Variants in RARB observed in about 807,000 individuals in gnomAD.
The protein encoded by RARB is HBV-activated protein.
RARB carries 17 observed loss-of-function variants against 51.9 expected under a neutral mutation model. The ratio of observed to expected loss-of-function variants is 0.33; its 90% CI spans 0.22 to 0.49. RARB has a LOEUF of 0.49. Ranked by LOEUF, RARB falls within the 20% of genes least tolerant of loss-of-function variation. The pLI is 0.99. For synonymous variants in RARB, 215 were observed against 195.4 expected (o/e 1.10, Z -0.84); for missense variants, 369 against 550.8 (o/e 0.67, Z 3.30).
chr3:25,531,986 G>T (rs1698948278), intron 3 of RARB, among the ~76,000 whole-genome samples: 1 of 151,534 alleles, frequency 6.6e-6, no homozygotes, highest in South Asian at 2.1e-4. Context: ...AGTCTGATAG[G>T]TGGGGGTGGG....
chr3:25,596,360 G>A (rs1701830020), intron 7 of RARB, 60 bp from the exon 8 acceptor site: 2 of 1,336,742 alleles, frequency 1.5e-6, no homozygotes, highest in East Asian at 2.3e-5. Flanking sequence ...TTGGTCCCTG[G>A]TTATCTGTCA....
chr3:25,286,216 G>A (rs977734899), intron 5 of RARB, among the ~76,000 whole-genome samples: 4 of 147,466 alleles, frequency 2.7e-5, no homozygotes, highest in Non-Finnish European at 6.0e-5. Context: ...GGCCTCCCAA[G>A]TAGCTGGGAC....
intron 5 of RARB, among the ~76,000 whole-genome samples, chr3:25,205,516 T>A (rs372493467): frequency 1.3e-5 from 2 of 152,230 alleles, no homozygotes; most frequent in South Asian, 2.1e-4. Context: ...TCTGCGTTGC[T>A]CACTCTGGGA....
intron 5 of RARB, among the ~76,000 whole-genome samples, chr3:25,319,304 C>A (rs921439535): frequency 1.3e-5 from 2 of 152,090 alleles, no homozygotes; most frequent in Admixed American, 6.5e-5. Context: ...TAGACGATGC[C>A]CACATAATAA....
chr3:24,859,051 A>G (rs910859128), intron 2 of RARB, among the ~76,000 whole-genome samples: 9 of 91,610 alleles, frequency 9.8e-5, no homozygotes, highest in East Asian at 2.8e-3. Flanking sequence ...AAAAAAAAAA[A>G]AAAAAAGAAA....
intron 7 of RARB, 81 bp downstream of exon 7, chr3:25,594,759 G>A (rs533490888): frequency 4.5e-4 from 578 of 1,278,874 alleles, no homozygotes; most frequent in Non-Finnish European, 5.4e-4. Flanking sequence ...ATTCAATTCA[G>A]GATGTTTAAT....
At chr3:25,251,154 T>C (rs1018865131) in intron 5 of RARB, among the ~76,000 whole-genome samples, 1 of 152,164 alleles carries the variant, frequency 6.6e-6, no homozygotes, top group African/African-American at 2.4e-5. Context: ...CTGGCTTCTT[T>C]AACATATGTC....
intron 2 of RARB, among the ~76,000 whole-genome samples, chr3:24,900,968 T>A (rs1254215914): frequency 6.6e-6 from 1 of 152,202 alleles, no homozygotes; most frequent in Non-Finnish European, 1.5e-5. Context: ...GAAGACAATA[T>A]GGTAGGTTTC....
chr3:24,996,396 C>A (rs945788540), intron 2 of RARB, among the ~76,000 whole-genome samples: 1 of 151,774 alleles, frequency 6.6e-6, no homozygotes, highest in Non-Finnish European at 1.5e-5. Flanking sequence ...TTTTGTTTAT[C>A]TTTTCACAAA....
At chr3:24,928,993 CAT>C (rs1695383347) in intron 2 of RARB, among the ~76,000 whole-genome samples, 1 of 151,946 alleles carries the variant, frequency 6.6e-6, no homozygotes, top group South Asian at 2.1e-4. Context: ...GTATTTTGAT[CAT>C]GTTTTCTCCT....
intron 3 of RARB, among the ~76,000 whole-genome samples, chr3:25,502,489 C>G (rs1379040691): frequency 6.6e-6 from 1 of 152,162 alleles, no homozygotes; most frequent in Non-Finnish European, 1.5e-5. Context: ...ACCCAGATAT[C>G]TTTCCTAACT....
intron 2 of RARB, among the ~76,000 whole-genome samples, chr3:25,041,364 G>T (rs182291432): frequency 6.6e-6 from 1 of 151,710 alleles, no homozygotes; most frequent in Admixed American, 6.6e-5. Context: ...TTAAATATTC[G>T]AATCCATCTT....
chr3:25,374,029 A>G (rs1167286576), intron 5 of RARB, among the ~76,000 whole-genome samples: 3 of 152,190 alleles, frequency 2.0e-5, no homozygotes, highest in African/African-American at 7.2e-5. Flanking sequence ...GTATATTTCA[A>G]TATTTCAACC....
At chr3:24,949,032 C>T (rs745713535) in intron 2 of RARB, among the ~76,000 whole-genome samples, 2 of 152,164 alleles carry the variant, frequency 1.3e-5, no homozygotes, top group African/African-American at 2.4e-5. Flanking sequence ...GTCTCTACTG[C>T]AGGGCAAGGT....
chr3:25,239,673 T>G (rs1455431779), intron 5 of RARB, among the ~76,000 whole-genome samples: 1 of 152,198 alleles, frequency 6.6e-6, no homozygotes, highest in Admixed American at 6.5e-5. Flanking sequence ...TCTGTTTTTA[T>G]GCCAATATAA....
intron 2 of RARB, among the ~76,000 whole-genome samples, chr3:24,960,430 G>C (rs988480929): frequency 1.3e-5 from 2 of 152,148 alleles, no homozygotes; most frequent in Non-Finnish European, 2.9e-5. Context: ...CCCAACCTAT[G>C]ATGAGCTCCA....
chr3:25,034,326 C>A (rs1011952742), intron 2 of RARB, among the ~76,000 whole-genome samples: 46 of 152,272 alleles, frequency 3.0e-4, no homozygotes, highest in African/African-American at 1.1e-3. Context: ...AAAAGAATAG[C>A]TGCCTGGATA....
chr3:25,436,084 A>T (rs1193873471), intron 1 of RARB, among the ~76,000 whole-genome samples: 1 of 152,106 alleles, frequency 6.6e-6, no homozygotes. Flanking sequence ...ATCTTTTTGG[A>T]TTAAGATCGT....
At chr3:24,999,422 A>T (rs146182003) in intron 2 of RARB, among the ~76,000 whole-genome samples, 1 of 152,306 alleles carries the variant, frequency 6.6e-6, no homozygotes, top group South Asian at 2.1e-4. Flanking sequence ...TGGGACAGCA[A>T]TGAAGAAAAC....
Sources: allele counts gnomAD v4.1 joint callset (sites outside exome capture counted in the v4.1 genomes callset), GRCh38; gene constraint gnomAD v4.1.1; transcripts MANE v1.5; gene names NCBI Gene and HGNC (gene_info 2026-07-23, HGNC 2026-07-21).